The following GNA12 variants were observed in gnomAD, a reference collection of about 807,000 sequenced individuals.
The protein encoded by GNA12 is G protein subunit alpha 12.
In GNA12, 9 loss-of-function variants were observed where a neutral mutation model predicts 26.0. The ratio of observed to expected loss-of-function variants is 0.35; its 90% CI spans 0.21 to 0.60. GNA12 has a LOEUF of 0.60. Ranked by LOEUF, GNA12 falls within the 20% of genes least tolerant of loss-of-function variation. The pLI, the probability that GNA12 is intolerant of heterozygous loss-of-function variation, is 0.78. For synonymous variants in GNA12, 264 were observed against 219.6 expected (o/e 1.20, Z -1.79); for missense variants, 405 against 525.8 (o/e 0.77, Z 2.25).
intron 2 of GNA12, among the ~76,000 whole-genome samples, chr7:2,749,802 A>C (rs1470510678): frequency 6.6e-6 from 1 of 152,186 alleles, no homozygotes; most frequent in Non-Finnish European, 1.5e-5. Context: ...ACTGGGGATG[A>C]GAGAGGAAAG....
In GNA12 at chr7:2,729,506, T is replaced by G. The variant is rs1789777585; in HGVS notation, c.*1675A>C. 6.6e-6 allele frequency: 1 copy of G among 151,718 alleles called. No homozygotes were observed. Among genetic ancestry groups the G allele is most frequent in the African/African-American group, 2.4e-5 (1 of 41,190 alleles). 9.4% of individuals were successfully genotyped at this position (151,718 alleles called of 1,614,324 possible). A position where few individuals can be genotyped will look rare whatever the true frequency, so the allele number is the denominator to read the frequency against. Reference sequence around the variant, plus strand: ...CAGCCTCGAGCACTGCGAGAGAGAGTTCCATGCTGTCTCCCGATGAGAACG... The same window carrying G: ...CAGCCTCGAGCACTGCGAGAGAGAGGTCCATGCTGTCTCCCGATGAGAACG... On this transcript the variant is annotated 3_prime_UTR_variant, in exon 4 of 4. Transcript: ENST00000275364.
At chr7:2,774,771 A>C (rs7790221) in intron 2 of GNA12, among the ~76,000 whole-genome samples, 5,053 of 152,312 alleles carry the variant, frequency 0.033, 234 homozygotes, top group African/African-American at 0.097. Context: ...AAGAATAAAC[A>C]TAAGTACAAA....
chr7:2,761,317 C>CACATA (rs1791543430), intron 2 of GNA12, among the ~76,000 whole-genome samples: 2 of 152,214 alleles, frequency 1.3e-5, no homozygotes, highest in Non-Finnish European at 2.9e-5. Context: ...CTCACAGAGC[C>CACATA]GTCTGCTGGC....
chr7:2,834,852 T>C (rs1008234010), intron 1 of GNA12, among the ~76,000 whole-genome samples: 2 of 152,212 alleles, frequency 1.3e-5, no homozygotes, highest in South Asian at 2.1e-4. Context: ...TCAGCTATAT[T>C]ATCTAGGTTT....
chr7:2,815,187 G>A (rs558137528), intron 1 of GNA12: 8 of 457,042 alleles, frequency 1.8e-5, no homozygotes, highest in South Asian at 4.5e-5. Context: ...AGGTGCCTGC[G>A]GTCCGGCACT....
chr7:2,772,492 G>A (rs907669754), intron 2 of GNA12, among the ~76,000 whole-genome samples: 2 of 151,810 alleles, frequency 1.3e-5, no homozygotes, highest in African/African-American at 4.8e-5. Flanking sequence ...CCCAGGAGGC[G>A]GAGCTTGCAG....
At chr7:2,803,870 G>A (rs1792878153) in intron 1 of GNA12, among the ~76,000 whole-genome samples, 1 of 151,744 alleles carries the variant, frequency 6.6e-6, no homozygotes, top group Non-Finnish European at 1.5e-5. Flanking sequence ...CTCCTGAACT[G>A]GAAAGTGAAA....
intron 2 of GNA12, among the ~76,000 whole-genome samples, chr7:2,737,147 A>G (rs1790224067): frequency 6.6e-6 from 1 of 152,176 alleles, no homozygotes; most frequent in Non-Finnish European, 1.5e-5. Flanking sequence ...GCGTCTAAGT[A>G]GGGACAGATC....
At chr7:2,761,518 A>G (rs1791554764) in intron 2 of GNA12, among the ~76,000 whole-genome samples, 2 of 152,224 alleles carry the variant, frequency 1.3e-5, no homozygotes, top group Admixed American at 1.3e-4. Context: ...AGGATGACTA[A>G]AAAGAGCTGG....
chr7:2,737,803 T>C (rs531787072), intron 2 of GNA12, among the ~76,000 whole-genome samples: 2 of 152,334 alleles, frequency 1.3e-5, no homozygotes, highest in East Asian at 3.9e-4. Flanking sequence ...GGTTTTCAAT[T>C]TCATTACTTA....
chr7:2,771,217 G>A (rs931410848), intron 2 of GNA12, among the ~76,000 whole-genome samples: 2 of 152,122 alleles, frequency 1.3e-5, no homozygotes, highest in African/African-American at 4.8e-5. Flanking sequence ...CTTGAACCTG[G>A]GAGGTGGAGG....
intron 2 of GNA12, among the ~76,000 whole-genome samples, chr7:2,736,100 A>T (rs1188845841): frequency 6.6e-6 from 1 of 152,204 alleles, no homozygotes; most frequent in Non-Finnish European, 1.5e-5. Context: ...TAAAAGGGCC[A>T]GGTTTACAAT....
At chr7:2,737,772 G>T (rs1790282909) in intron 2 of GNA12, among the ~76,000 whole-genome samples, 1 of 152,192 alleles carries the variant, frequency 6.6e-6, no homozygotes, top group Non-Finnish European at 1.5e-5. Flanking sequence ...AAAAGTAACA[G>T]CAAACTATGC....
At chr7:2,770,555 G>C (rs1315639824) in intron 2 of GNA12, among the ~76,000 whole-genome samples, 1 of 152,182 alleles carries the variant, frequency 6.6e-6, no homozygotes, top group Non-Finnish European at 1.5e-5. Context: ...CCAGGAGTTT[G>C]AGGATGCAGT....
intron 2 of GNA12, chr7:2,764,520 G>C (rs925309922): frequency 6.6e-6 from 1 of 152,204 alleles, no homozygotes; most frequent in Non-Finnish European, 1.5e-5. Flanking sequence ...CAGTGGTTGT[G>C]GTCGGGCTCA....
chr7:2,750,707 G>C (rs558878712), intron 2 of GNA12, among the ~76,000 whole-genome samples: 1 of 152,204 alleles, frequency 6.6e-6, no homozygotes, highest in Non-Finnish European at 1.5e-5. Context: ...GGGACTATTG[G>C]ACAGGCATGT....
At chr7:2,796,776 G>A (rs1792688329) in intron 1 of GNA12, among the ~76,000 whole-genome samples, 1 of 152,188 alleles carries the variant, frequency 6.6e-6, no homozygotes, top group African/African-American at 2.4e-5. Context: ...TCAAAGGGAT[G>A]AAGAAATAAC....
intron 1 of GNA12, among the ~76,000 whole-genome samples, chr7:2,813,136 G>T (rs1422207586): frequency 2.6e-5 from 4 of 152,124 alleles, no homozygotes; most frequent in Non-Finnish European, 5.9e-5. Flanking sequence ...GCCCAGGCTG[G>T]TCTTGAACTC....
chr7:2,733,330 G>A (rs1195222685), intron 3 of GNA12, 121 bp downstream of exon 3: 1 of 780,394 alleles, frequency 1.3e-6, no homozygotes, highest in Admixed American at 2.0e-5. Flanking sequence ...TCGTGGTAAT[G>A]TGACAGAACA....
Sources: allele counts gnomAD v4.1 joint callset (sites outside exome capture counted in the v4.1 genomes callset), GRCh38; gene constraint gnomAD v4.1.1; transcripts MANE v1.5; gene names NCBI Gene and HGNC (gene_info 2026-07-23, HGNC 2026-07-21).